Variants in RHOBTB2 observed in about 807,000 individuals in gnomAD.
The protein encoded by RHOBTB2 is Rho related BTB domain containing 2, also known as rho-related BTB domain-containing protein 2.
Under a neutral mutation model 66.5 loss-of-function variants are expected in RHOBTB2, and 39 were observed. The observed-to-expected ratio is 0.59, with a 90% CI of 0.45 to 0.77. RHOBTB2 has a LOEUF of 0.77. Ranked by LOEUF, RHOBTB2 falls within the 30% of genes least tolerant of loss-of-function variation. The pLI is 0.00. For missense variants in RHOBTB2, 755 were observed against 999.1 expected (o/e 0.76, Z 3.29); for synonymous variants, 390 against 395.0 (o/e 0.99, Z 0.15).
chr8:23,007,886 T>A, intron 5 of RHOBTB2, 107 bp from the exon 6 acceptor site: 2 of 1,486,620 alleles, frequency 1.3e-6, no homozygotes, highest in Non-Finnish European at 1.9e-6. Context: ...GCGGGTTTGT[T>A]CCGTGCCCCG....
the RHOBTB2 span, among the ~76,000 whole-genome samples, chr8:22,957,331 A>G: frequency 6.6e-6 from 1 of 152,122 alleles, no homozygotes; most frequent in Admixed American, 6.5e-5. Context: ...TGTGATCACT[A>G]AATATTTGAG....
the RHOBTB2 span, among the ~76,000 whole-genome samples, chr8:22,961,727 T>A: frequency 3.3e-5 from 5 of 152,150 alleles, no homozygotes; most frequent in African/African-American, 1.2e-4. Context: ...CAGCTTTGCA[T>A]CTATCTCTTC....
rs1811271912 is a variant in RHOBTB2, at chr8:23,015,711, A to G, written c.1934A>G (p.Lys645Arg). The G allele has an allele frequency of 1.2e-6, 2 of 1,613,844 alleles. No homozygotes were observed. The highest frequency in any genetic ancestry group is 1.7e-6 in the Non-Finnish European group (2 of 1,179,852). ...ICTNYNNVCR[K>R]FPRDMKAMSP... ...ACCAACTACAACAACGTGTGCCGCAAGTTCCCCCGAGACATGAAGGCCATG... is the reference window on the plus strand; with the variant it reads ...ACCAACTACAACAACGTGTGCCGCAGGTTCCCCCGAGACATGAAGGCCATG... The change falls in exon 9 of 10, where the codon AAG becomes AGG. Residue 645 changes from lysine (K) to arginine (R), a missense_variant. By Grantham distance (26) the Lys-to-Arg change is conservative. Transcript: ENST00000251822.
chr8:23,004,193 A>C lies in RHOBTB2; in HGVS notation c.-10-232A>C. 1.8e-6 allele frequency: 1 copy of C among 558,874 alleles called. No homozygotes were observed. The highest frequency in any genetic ancestry group is 2.0e-5 in the South Asian group (1 of 50,298). 34.6% of individuals were successfully genotyped at this position (558,874 alleles called of 1,614,324 possible). A position where few individuals can be genotyped will look rare whatever the true frequency, so the allele number is the denominator to read the frequency against. ...CAGCTGGAGGATCGTGGGAGCAGGAAGGGGACAGGTGGCCCATCTGGTGAC... is the reference window on the plus strand; with the variant it reads ...CAGCTGGAGGATCGTGGGAGCAGGACGGGGACAGGTGGCCCATCTGGTGAC... On this transcript the variant is annotated intron_variant, in intron 1 of 9. Transcript: ENST00000251822. The surrounding 1 kb of genome is among the most constrained non-coding windows in gnomAD (Gnocchi z 6.4).
At chr8:22,996,409 G>A (rs1305486058), upstream of RHOBTB2, among the ~76,000 whole-genome samples, 2 of 152,128 alleles carry the variant, frequency 1.3e-5, no homozygotes, top group Non-Finnish European at 1.5e-5. Flanking sequence ...TGGGAAGCCA[G>A]CAATGGGGGG....
chr8:22,969,818 C>T, the RHOBTB2 span, among the ~76,000 whole-genome samples: 4 of 152,262 alleles, frequency 2.6e-5, no homozygotes, highest in South Asian at 8.3e-4. Context: ...GTGGCAGGAT[C>T]GGGGTCACTG....
chr8:23,004,679 G>C lies in RHOBTB2; in HGVS notation c.192+53G>C. 1.3e-6 allele frequency: 2 copies of C among 1,531,588 alleles called. No individual in the cohort carries two copies. The highest frequency in any genetic ancestry group is 1.2e-5 in the South Asian group (1 of 85,646). 94.9% of individuals were successfully genotyped at this position (1,531,588 alleles called of 1,614,324 possible). On this transcript the variant is annotated intron_variant, in intron 2 of 9. Coordinates refer to ENST00000251822, the MANE Select transcript of RHOBTB2 (RefSeq NM_015178.3). The surrounding 1 kb of genome is among the most constrained non-coding windows in gnomAD (Gnocchi z 6.4). ...GGTCCACGCCATGAGTCTGGGCTTG[G>C]GGGCTTCCTGAGGCATAGCTTGGTG...
At chr8:22,953,490 C>T in the RHOBTB2 span, among the ~76,000 whole-genome samples, 2 of 152,228 alleles carry the variant, frequency 1.3e-5, no homozygotes, top group African/African-American at 2.4e-5. Context: ...TCAGACCTTG[C>T]TCTTGTTCAT....
At chr8:22,967,395 G>C in the RHOBTB2 span, among the ~76,000 whole-genome samples, 1 of 151,808 alleles carries the variant, frequency 6.6e-6, no homozygotes, top group Non-Finnish European at 1.5e-5. Context: ...GATCACCTGA[G>C]GTCAGGAGTT....
chr8:22,951,313 G>A, the RHOBTB2 span, among the ~76,000 whole-genome samples: 29 of 132,594 alleles, frequency 2.2e-4, no homozygotes, highest in African/African-American at 8.1e-4. Flanking sequence ...GTGCAGTGGC[G>A]CGATCTCAGC....
the RHOBTB2 span, among the ~76,000 whole-genome samples, chr8:22,954,166 G>T: frequency 6.6e-6 from 1 of 152,134 alleles, no homozygotes. Flanking sequence ...TGAGGGAACT[G>T]GTAAGATCTT....
At chr8:23,000,484 G>A (rs1810739856) in intron 1 of RHOBTB2, among the ~76,000 whole-genome samples, 2 of 152,192 alleles carry the variant, frequency 1.3e-5, no homozygotes, top group African/African-American at 4.8e-5. Context: ...TTTTGCTGGC[G>A]GTTCCGGAGC....
Position 22,999,707 on chromosome 8 carries a change from G to A in RHOBTB2, c.-409G>A. ...GGACTGCAGCGCCAGGCGTCTTCGCGGCAGCGCCTTCGCCGCGGGCCCGGG... is the reference window on the plus strand; with the variant it reads ...GGACTGCAGCGCCAGGCGTCTTCGCAGCAGCGCCTTCGCCGCGGGCCCGGG... On this transcript the variant is annotated 5_prime_UTR_variant, in exon 1 of 10. Coordinates refer to ENST00000251822, the MANE Select transcript of RHOBTB2 (RefSeq NM_015178.3). The A allele has an allele frequency of 8.7e-7, 1 of 1,149,610 alleles. No homozygotes were observed. The highest frequency in any genetic ancestry group is 1.1e-6 in the Non-Finnish European group (1 of 921,080). 71.2% of individuals were successfully genotyped at this position (1,149,610 alleles called of 1,614,324 possible).
At position 23,010,561 on chromosome 8, in the gene RHOBTB2, G is replaced by A. The variant is rs1314338370; in HGVS notation, c.1644G>A (p.Lys548=). 13 of 1,613,820 alleles carry A rather than the reference G, an allele frequency of 8.1e-6. No individual in the cohort carries two copies. Among genetic ancestry groups the A allele is most frequent in the Non-Finnish European group, 1.1e-5 (13 of 1,179,904 alleles). ...AGGTGGTGTTTCCCTACACAAGCAA[G>A]AGCTGCATGCGGGCCGTGCTGGAAT... The part of the protein sequence containing the change: ...TREVVFPYTS[K]SCMRAVLEYL... The change falls in exon 7 of 10, where the codon AAG becomes AAA. Residue 548 remains lysine, a synonymous_variant. Coordinates refer to ENST00000251822, the MANE Select transcript of RHOBTB2 (RefSeq NM_015178.3).
chr8:22,964,648 G>A, the RHOBTB2 span, among the ~76,000 whole-genome samples: 6 of 151,958 alleles, frequency 3.9e-5, no homozygotes, highest in Non-Finnish European at 7.4e-5. Context: ...CCATACAATC[G>A]TGTATGGTCA....
intron 7 of RHOBTB2, among the ~76,000 whole-genome samples, chr8:23,012,288 C>G (rs908210873): frequency 1.8e-4 from 28 of 152,204 alleles, no homozygotes; most frequent in Non-Finnish European, 1.0e-4. Flanking sequence ...CACAGAAAAA[C>G]CGTTGGTGAA....
rs202072436 is a variant in RHOBTB2, at chr8:23,010,557, G to A, written c.1640G>A (p.Ser547Asn). ...CCCCAGGTGGTGTTTCCCTACACAAGCAAGAGCTGCATGCGGGCCGTGCTG... is the reference window on the plus strand; with the variant it reads ...CCCCAGGTGGTGTTTCCCTACACAAACAAGAGCTGCATGCGGGCCGTGCTG... ...STREVVFPYT[S>N]KSCMRAVLEY... The change falls in exon 7 of 10, where the codon AGC becomes AAC. Residue 547 changes from serine (S) to asparagine (N), a missense_variant. Physicochemically the swap from Ser to Asn is conservative, Grantham distance 46 (BLOSUM62 1). Transcript: ENST00000251822. The A allele has an allele frequency of 8.7e-5, 141 of 1,613,882 alleles. No homozygotes were observed. The East Asian group carries it at 1.3e-3, about 15-fold the overall frequency.
the RHOBTB2 span, among the ~76,000 whole-genome samples, chr8:22,964,458 A>G: frequency 1.3e-5 from 2 of 152,302 alleles, no homozygotes; most frequent in African/African-American, 4.8e-5. Context: ...CTGCAAAAAA[A>G]TAAGACCATT....
At chr8:22,957,637 C>T in the RHOBTB2 span, among the ~76,000 whole-genome samples, 1 of 152,270 alleles carries the variant, frequency 6.6e-6, no homozygotes, top group South Asian at 2.1e-4. Context: ...TAGGAAAGGA[C>T]GGAGTTCATT....
Sources: allele counts gnomAD v4.1 joint callset (sites outside exome capture counted in the v4.1 genomes callset), GRCh38; gene constraint gnomAD v4.1.1; non-coding constraint Gnocchi (gnomAD v3.1); transcripts MANE v1.5; gene names NCBI Gene and HGNC (gene_info 2026-07-23, HGNC 2026-07-21).